PDE10A: variants seen among roughly 807,000 people sequenced by gnomAD.
PDE10A encodes cAMP and cAMP-inhibited cGMP 3',5'-cyclic phosphodiesterase 10A.
Under a neutral mutation model 97.7 loss-of-function variants are expected in PDE10A, and 39 were observed. The ratio of observed to expected loss-of-function variants is 0.40; its 90% CI spans 0.31 to 0.52. The LOEUF is 0.52. Among genes scored for constraint, PDE10A ranks in the 20% least tolerant of loss-of-function variants. The pLI is 0.56. For missense variants in PDE10A, 731 were observed against 1,047.8 expected (o/e 0.70, Z 4.17); for synonymous variants, 371 against 376.8 (o/e 0.98, Z 0.18).
At chr6:165,859,209 T>C (rs1291294943) in intron 1 of PDE10A, among the ~76,000 whole-genome samples, 2 of 152,256 alleles carry the variant, frequency 1.3e-5, no homozygotes, top group Admixed American at 1.3e-4. Context: ...CACGCCAGGA[T>C]GAAGGTCCTC....
chr6:165,586,528 CTATAT>C (rs1286053296), intron 1 of PDE10A, among the ~76,000 whole-genome samples: 1 of 151,978 alleles, frequency 6.6e-6, no homozygotes, highest in Non-Finnish European at 1.5e-5. Flanking sequence ...AGAACTGATA[CTATAT>C]ATCAAAAGGC....
chr6:165,733,004 G>C (rs1460610455), intron 1 of PDE10A, among the ~76,000 whole-genome samples: 2 of 152,242 alleles, frequency 1.3e-5, no homozygotes, highest in East Asian at 3.9e-4. Context: ...CCAGTTGCCT[G>C]TCTGGATGAA....
chr6:165,492,479 A>T (rs1004605493), intron 2 of PDE10A, among the ~76,000 whole-genome samples: 1 of 152,172 alleles, frequency 6.6e-6, no homozygotes, highest in Non-Finnish European at 1.5e-5. Context: ...ATCCAACATC[A>T]TGTTAAAAAG....
intron 1 of PDE10A, among the ~76,000 whole-genome samples, chr6:165,729,201 CAA>C (rs34154347): frequency 7.3e-4 from 91 of 125,392 alleles, no homozygotes; most frequent in Middle Eastern, 8.2e-3. Context: ...GACTCCATCT[CAA>C]AAAAAAAAAA....
At chr6:165,622,294 GTA>G (rs761138169) in intron 1 of PDE10A, among the ~76,000 whole-genome samples, 3,499 of 149,842 alleles carry the variant, frequency 0.023, 62 homozygotes, top group Non-Finnish European at 0.024. Flanking sequence ...GTGTGTGTGT[GTA>G]TGTGCATGCG....
chr6:165,961,497 A>G (rs997059822), intron 1 of PDE10A, among the ~76,000 whole-genome samples: 1 of 152,210 alleles, frequency 6.6e-6, no homozygotes, highest in Non-Finnish European at 1.5e-5. Context: ...GGGCCGGATC[A>G]CTGCTGGTTA....
At chr6:165,713,261 CA>C (rs1199406554) in intron 1 of PDE10A, among the ~76,000 whole-genome samples, 1 of 152,208 alleles carries the variant, frequency 6.6e-6, no homozygotes, top group East Asian at 1.9e-4. Context: ...AGGGCACCTG[CA>C]GTGTGAATTT....
rs139389899 is a variant in PDE10A, at chr6:165,405,080, C to T, written c.2076+8421G>A. Among the ~76,000 whole-genome samples, 127 of 125,880 alleles carry T rather than the reference C, an allele frequency of 1.0e-3. 1 individual carries two copies. Among genetic ancestry groups the T allele is most frequent in the Non-Finnish European group, 3.6e-4 (21 of 58,794 alleles). The allele number at this position is 125,880 out of a possible 152,430, so 82.6% of individuals were successfully genotyped here. ...TCAGTGGATTTGAAAGCACTGGGAA[C>T]AAATTAAAAAAAAAATGTGTGTGTA... On this transcript the variant is annotated intron_variant, in intron 13 of 21. Coordinates refer to ENST00000539869, the MANE Select transcript of PDE10A (RefSeq NM_001385079.1).
In PDE10A at chr6:165,711,585, C is replaced by T. The variant is rs1035298865; in HGVS notation, c.-614-168017G>A. Among the ~76,000 whole-genome samples the T allele has an allele frequency of 2.0e-5, 3 of 152,116 alleles. No individual in the cohort carries two copies. Among genetic ancestry groups the T allele is most frequent in the African/African-American group, 7.2e-5 (3 of 41,416 alleles). ...GCTTTCTAGATCCTCCAGCCAGGCC[C>T]AAACGCTGAGGAATGTGAGTGTGTG... On this transcript the variant is annotated intron_variant, in intron 1 of 19. Transcript: ENST00000366882. The surrounding 1 kb of genome is among the most constrained non-coding windows in gnomAD (Gnocchi z 4.5).
At chr6:165,349,944 C>CCTG (rs1782587079) in intron 18 of PDE10A, among the ~76,000 whole-genome samples, 1 of 152,204 alleles carries the variant, frequency 6.6e-6, no homozygotes, top group African/African-American at 2.4e-5. Flanking sequence ...TATGGAAAAG[C>CCTG]CTGGATGTCC....
chr6:165,495,084 T>C (rs1225097281), intron 2 of PDE10A, among the ~76,000 whole-genome samples: 1 of 152,206 alleles, frequency 6.6e-6, no homozygotes, highest in African/African-American at 2.4e-5. Context: ...CTAACAATTA[T>C]GCAATTTTAA....
chr6:165,800,388 G>A (rs138491530), intron 1 of PDE10A, among the ~76,000 whole-genome samples: 198 of 152,340 alleles, frequency 1.3e-3, no homozygotes, highest in African/African-American at 4.7e-3. Context: ...GCCTCCATGT[G>A]AGATGTGCAC....
intron 3 of PDE10A, 64 bp from the exon 4 acceptor site, chr6:165,450,426 G>T: frequency 1.1e-6 from 1 of 908,800 alleles, no homozygotes; most frequent in Middle Eastern, 2.3e-4. Flanking sequence ...AAATTCCTTA[G>T]TCTGTAAGAC....
At chr6:165,730,179 T>C (rs1434432864) in intron 1 of PDE10A, among the ~76,000 whole-genome samples, 1 of 150,482 alleles carries the variant, frequency 6.6e-6, no homozygotes, top group African/African-American at 2.4e-5. Context: ...AAAAAGCCAC[T>C]GAAAACAGAG....
At chr6:165,475,355 TAAG>T (rs1779236860) in intron 3 of PDE10A, among the ~76,000 whole-genome samples, 1 of 151,862 alleles carries the variant, frequency 6.6e-6, no homozygotes, top group South Asian at 2.1e-4. Flanking sequence ...CCAGGAAAAA[TAAG>T]TATTTTAAAG....
chr6:165,593,777 G>T (rs1345141249), intron 1 of PDE10A, among the ~76,000 whole-genome samples: 1 of 152,104 alleles, frequency 6.6e-6, no homozygotes, highest in Non-Finnish European at 1.5e-5. Context: ...ATATTATGAA[G>T]TATGTAGGTC....
At chr6:165,842,398 G>A (rs917905421) in intron 1 of PDE10A, among the ~76,000 whole-genome samples, 4 of 152,170 alleles carry the variant, frequency 2.6e-5, no homozygotes, top group African/African-American at 7.2e-5. Flanking sequence ...ACTGTTATAC[G>A]GAGCTTGGCA....
intron 1 of PDE10A, among the ~76,000 whole-genome samples, chr6:165,631,583 G>A (rs866979245): frequency 6.6e-6 from 1 of 152,168 alleles, no homozygotes; most frequent in Non-Finnish European, 1.5e-5. Flanking sequence ...AAATTAGTAT[G>A]TCATTATTTG....
intron 2 of PDE10A, among the ~76,000 whole-genome samples, chr6:165,502,753 A>C (rs1780962942): frequency 6.6e-6 from 1 of 152,172 alleles, no homozygotes; most frequent in Non-Finnish European, 1.5e-5. Context: ...GACGCAAATG[A>C]CTTCACACTA....
Sources: allele counts gnomAD v4.1 joint callset (sites outside exome capture counted in the v4.1 genomes callset), GRCh38; gene constraint gnomAD v4.1.1; non-coding constraint Gnocchi (gnomAD v3.1); transcripts MANE v1.5; gene names NCBI Gene and HGNC (gene_info 2026-07-23, HGNC 2026-07-21).